MDFIC2: variants seen among roughly 807,000 people sequenced by gnomAD.
The protein encoded by MDFIC2 is MyoD family inhibitor domain containing 2, also known as myoD family inhibitor domain-containing protein 2.
intron 2 of MDFIC2, among the ~76,000 whole-genome samples, chr3:70,278,846 A>C (rs1245417814): frequency 2.0e-5 from 3 of 151,942 alleles, no homozygotes; most frequent in African/African-American, 7.3e-5. Context: ...GCCACCTCAA[A>C]TCAAAGGGTT....
At chr3:70,281,752 C>T (rs1049606751) in intron 2 of MDFIC2, among the ~76,000 whole-genome samples, 25 of 152,150 alleles carry the variant, frequency 1.6e-4, no homozygotes, top group African/African-American at 6.0e-4. Flanking sequence ...TAGAGAATCC[C>T]ATCCTCTGCA....
intron 2 of MDFIC2, among the ~76,000 whole-genome samples, chr3:70,251,672 C>A (rs1408484547): frequency 6.6e-6 from 1 of 152,086 alleles, no homozygotes; most frequent in Non-Finnish European, 1.5e-5. Context: ...TATAATATTG[C>A]CATTACTTTT....
intron 2 of MDFIC2, among the ~76,000 whole-genome samples, chr3:70,306,035 C>G (rs944305957): frequency 6.6e-6 from 1 of 152,102 alleles, no homozygotes; most frequent in Non-Finnish European, 1.5e-5. Flanking sequence ...GATGATGTAA[C>G]TTTTCTATGT....
At chr3:70,218,228 T>C (rs75567147) in intron 2 of MDFIC2, among the ~76,000 whole-genome samples, 8,954 of 152,252 alleles carry the variant, frequency 0.059, 410 homozygotes, top group East Asian at 0.25. Context: ...CACTTATTTC[T>C]ATTTTTAAAT....
intron 2 of MDFIC2, among the ~76,000 whole-genome samples, chr3:70,306,590 T>C (rs917423535): frequency 6.6e-6 from 1 of 152,112 alleles, no homozygotes; most frequent in African/African-American, 2.4e-5. Context: ...CTATTTTTTT[T>C]ATCATTTTTT....
At chr3:70,241,467 T>G (rs1236026448) in intron 2 of MDFIC2, among the ~76,000 whole-genome samples, 2 of 152,192 alleles carry the variant, frequency 1.3e-5, no homozygotes, top group African/African-American at 4.8e-5. Context: ...AAAGAATTAT[T>G]AGGGCTAAAA....
rs1002932362 is a variant in MDFIC2 at position 70,196,886 on chromosome 3, G to A, written c.*40C>T. ...TCTTGTTGTAATGGAATTTCCCACC[G>A]TGGCCAAAAGGACTGCCGGAATGTG... is the stretch of plus-strand genomic sequence containing the variant. On this transcript the variant is annotated 3_prime_UTR_variant, in exon 4 of 4. Transcript: ENST00000567252. 3.3e-5 allele frequency: 13 copies of A among 398,300 alleles called. No homozygotes were observed. Among genetic ancestry groups the A allele is most frequent in the Middle Eastern group, 6.3e-4 (1 of 1,584 alleles). The allele number at this position is 398,300 out of a possible 1,614,324, so 24.7% of individuals were successfully genotyped here.
At chr3:70,208,822 CT>C (rs1031396043) in intron 2 of MDFIC2, among the ~76,000 whole-genome samples, 1 of 152,058 alleles carries the variant, frequency 6.6e-6, no homozygotes, top group African/African-American at 2.4e-5. Context: ...TCCAAACAGC[CT>C]TGGTTTTCAA....
At chr3:70,281,488 C>T (rs1237608035) in intron 2 of MDFIC2, among the ~76,000 whole-genome samples, 2 of 152,162 alleles carry the variant, frequency 1.3e-5, no homozygotes, top group African/African-American at 4.8e-5. Flanking sequence ...CTCTGACATG[C>T]ATTTTCCTTA....
At chr3:70,205,103 G>C (rs568413875) in intron 3 of MDFIC2, 1 of 152,188 alleles carries the variant, frequency 6.6e-6, no homozygotes, top group Non-Finnish European at 1.5e-5. Context: ...GTTGTTGGGA[G>C]TACCTTGAGC....
chr3:70,231,480 G>C (rs965744758), intron 2 of MDFIC2, among the ~76,000 whole-genome samples: 2 of 152,166 alleles, frequency 1.3e-5, no homozygotes, highest in African/African-American at 4.8e-5. Flanking sequence ...TGCATCACAC[G>C]TGCCGCGTAC....
intron 2 of MDFIC2, among the ~76,000 whole-genome samples, chr3:70,260,395 A>G (rs1021413727): frequency 3.3e-5 from 5 of 152,154 alleles, no homozygotes; most frequent in African/African-American, 1.2e-4. Context: ...TACATCTGCA[A>G]CAACCCTATT....
intron 2 of MDFIC2, among the ~76,000 whole-genome samples, chr3:70,257,273 T>G (rs1462127114): frequency 6.6e-6 from 1 of 152,194 alleles, no homozygotes; most frequent in Admixed American, 6.5e-5. Context: ...TCAAAAAAGT[T>G]CAAGAATAGA....
intron 2 of MDFIC2, among the ~76,000 whole-genome samples, chr3:70,289,852 C>A (rs6763353): frequency 6.6e-6 from 1 of 151,898 alleles, no homozygotes. Flanking sequence ...TTGATTGCAT[C>A]GGCTCCTGAG....
At chr3:70,218,291 T>C (rs1701433417) in intron 2 of MDFIC2, among the ~76,000 whole-genome samples, 1 of 152,172 alleles carries the variant, frequency 6.6e-6, no homozygotes, top group African/African-American at 2.4e-5. Context: ...ACAGTGAATA[T>C]GGTAGCATGT....
At chr3:70,284,461 C>T (rs1454343686) in intron 2 of MDFIC2, among the ~76,000 whole-genome samples, 3 of 152,036 alleles carry the variant, frequency 2.0e-5, no homozygotes, top group Non-Finnish European at 4.4e-5. Context: ...GAGATTGGAA[C>T]CCATTTACTC....
chr3:70,281,404 C>A (rs1028201458), intron 2 of MDFIC2, among the ~76,000 whole-genome samples: 1 of 152,184 alleles, frequency 6.6e-6, no homozygotes. Context: ...AGAATTAAAC[C>A]CCGTTTTCTA....
intron 2 of MDFIC2, among the ~76,000 whole-genome samples, chr3:70,236,961 T>C (rs959227205): frequency 6.6e-6 from 1 of 152,216 alleles, no homozygotes; most frequent in East Asian, 1.9e-4. Flanking sequence ...TAAGTTTCTA[T>C]TGTGAAAAAT....
rs780885364 is a variant in MDFIC2, at chr3:70,249,356, G to C, written c.89-42566C>G. 7.9e-5 allele frequency among the ~76,000 whole-genome samples: 12 copies of C among 152,248 alleles called. No homozygotes were observed. The South Asian group carries it at 2.5e-3, about 32-fold the overall frequency. On this transcript the variant is annotated intron_variant, in intron 2 of 3. Transcript: ENST00000567252. ...CTACCTCAGGCTTCAGTGTCTAAGG[G>C]GGGGATCTATCATATTGTGCAAATA...
Sources: gnomAD v4.1 joint callset for allele counts (sites outside exome capture counted in the v4.1 genomes callset) on GRCh38, gnomAD v4.1.1 for gene constraint, MANE v1.5 for transcripts, NCBI Gene and HGNC (gene_info 2026-07-23, HGNC 2026-07-21) for gene names.